SH3RF3: variants seen among roughly 807,000 people sequenced by gnomAD.
SH3RF3 encodes E3 ubiquitin-protein ligase SH3RF3.
In SH3RF3, 29 loss-of-function variants were observed where a neutral mutation model predicts 66.3. That is an observed-to-expected ratio of 0.44 (90% CI 0.33 to 0.60). The LOEUF (loss-of-function observed/expected upper bound fraction) is 0.60. SH3RF3 is among the 20% of genes least tolerant of loss of function. SH3RF3 has a pLI of 0.04. For missense variants in SH3RF3, 1,194 were observed against 1,190.9 expected (o/e 1.00, Z -0.04); for synonymous variants, 583 against 532.0 (o/e 1.10, Z -1.32).
chr2:109,378,764 G>A (rs1683446554), intron 3 of SH3RF3, among the ~76,000 whole-genome samples: 1 of 152,178 alleles, frequency 6.6e-6, no homozygotes, highest in African/African-American at 2.4e-5. Context: ...GACTTATGAG[G>A]CTTCCACTCT....
At chr2:109,300,343 C>A (rs1226507341) in intron 1 of SH3RF3, among the ~76,000 whole-genome samples, 1 of 152,078 alleles carries the variant, frequency 6.6e-6, no homozygotes, top group Non-Finnish European at 1.5e-5. Flanking sequence ...CCATGTCTGG[C>A]TAATTTTTGT....
chr2:109,146,609 C>T (rs761290237), intron 1 of SH3RF3, among the ~76,000 whole-genome samples: 25 of 152,184 alleles, frequency 1.6e-4, no homozygotes, highest in Admixed American at 9.8e-4. Flanking sequence ...AGCCCTTCCT[C>T]CACCATGGGT....
intron 7 of SH3RF3, among the ~76,000 whole-genome samples, chr2:109,444,831 A>G (rs1677663177): frequency 6.6e-6 from 1 of 152,242 alleles, no homozygotes; most frequent in African/African-American, 2.4e-5. Flanking sequence ...GTTAGCCAAT[A>G]AACTCAAGAG....
intron 1 of SH3RF3, among the ~76,000 whole-genome samples, chr2:109,137,249 T>G (rs1025888685): frequency 1.3e-5 from 2 of 152,234 alleles, no homozygotes; most frequent in Non-Finnish European, 2.9e-5. Context: ...TTGTTTATTC[T>G]TCCATAGTCT....
intron 4 of SH3RF3, among the ~76,000 whole-genome samples, chr2:109,408,572 C>T (rs1483070824): frequency 6.6e-6 from 1 of 152,248 alleles, no homozygotes; most frequent in Non-Finnish European, 1.5e-5. Flanking sequence ...CATTCGCTGT[C>T]CCCTCTACCA....
At chr2:109,399,912 ACTC>A (rs1676257196) in intron 4 of SH3RF3, among the ~76,000 whole-genome samples, 1 of 151,998 alleles carries the variant, frequency 6.6e-6, no homozygotes, top group Admixed American at 6.5e-5. Context: ...AATGGTGCCC[ACTC>A]CATTTCTCCC....
Position 109,436,895 on chromosome 2 carries a change from T to A in SH3RF3, c.1577T>A (p.Val526Glu). The part of the protein sequence containing the change: ...PGNYVTPVSR[V>E]PAGGAGPPRN... Reference sequence around the variant, plus strand: ...TTCCTTCTGCTTTCTCTCCACAGGGTGCCTGCAGGAGGGGCAGGGCCGCCC... The same window carrying A: ...TTCCTTCTGCTTTCTCTCCACAGGGAGCCTGCAGGAGGGGCAGGGCCGCCC... Residue 526 changes from valine to glutamate, a missense_variant and splice_region_variant, in exon 7 of 10, where the codon GTG (valine) becomes GAG (glutamate). Physicochemically the swap from Val to Glu is moderately radical, Grantham distance 121. Coordinates refer to ENST00000309415, the MANE Select transcript of SH3RF3 (RefSeq NM_001099289.3). The A allele has an allele frequency of 5.6e-6, 9 of 1,612,974 alleles. No homozygotes were observed. The highest frequency in any genetic ancestry group is 7.6e-6 in the Non-Finnish European group (9 of 1,179,578).
At chr2:109,370,185 G>T (rs1378415537) in intron 2 of SH3RF3, among the ~76,000 whole-genome samples, 2 of 150,774 alleles carry the variant, frequency 1.3e-5, no homozygotes, top group Non-Finnish European at 3.0e-5. Flanking sequence ...GGCCATTGCT[G>T]TGGTGGTCTC....
intron 1 of SH3RF3, among the ~76,000 whole-genome samples, chr2:109,184,082 G>A (rs1350297968): frequency 6.6e-6 from 1 of 152,244 alleles, no homozygotes; most frequent in African/African-American, 2.4e-5. Flanking sequence ...AACGTGGGGT[G>A]TTGAGCCCAT....
chr2:109,466,395 A>G (rs1678347347), intron 8 of SH3RF3, among the ~76,000 whole-genome samples: 1 of 152,096 alleles, frequency 6.6e-6, no homozygotes, highest in African/African-American at 2.4e-5. Flanking sequence ...ATCTTTTTTA[A>G]TGAGATGTCT....
chr2:109,448,841 C>T (rs574481733), intron 7 of SH3RF3, among the ~76,000 whole-genome samples: 125 of 152,248 alleles, frequency 8.2e-4, no homozygotes, highest in African/African-American at 2.9e-3. Flanking sequence ...GGTTGGGGAC[C>T]GCTGAGTTAA....
chr2:109,362,471 T>C (rs1020653947), intron 2 of SH3RF3, among the ~76,000 whole-genome samples: 1 of 152,196 alleles, frequency 6.6e-6, no homozygotes, highest in East Asian at 1.9e-4. Flanking sequence ...AAGGTGTGTT[T>C]TGCAGACCAG....
chr2:109,129,656 C>T lies in SH3RF3; in HGVS notation c.116C>T (p.Ala39Val). ...ERRRRRAAAT[A>V]AGAGEDMDES... ...CGGCGGCGTCGGGCGGCGGCCACCG[C>T]CGCGGGGGCGGGCGAGGACATGGAC... The change falls in exon 1 of 10, where the codon GCC becomes GTC. Residue 39 changes from alanine (A) to valine (V), a missense_variant. Transcript: ENST00000309415. The T allele has an allele frequency of 1.3e-6, 2 of 1,505,968 alleles. No individual in the cohort carries two copies. The highest frequency in any genetic ancestry group is 1.8e-6 in the Non-Finnish European group (2 of 1,134,244). The allele number at this position is 1,505,968 out of a possible 1,614,324, so 93.3% of individuals were successfully genotyped here. A position where few individuals can be genotyped will look rare whatever the true frequency, so the allele number is the denominator to read the frequency against.
At chr2:109,260,249 A>G (rs1558987632) in intron 1 of SH3RF3, among the ~76,000 whole-genome samples, 1 of 152,020 alleles carries the variant, frequency 6.6e-6, no homozygotes, top group Non-Finnish European at 1.5e-5. Context: ...CTAGTGGAAA[A>G]CCATGCAAAC....
At chr2:109,295,816 A>G (rs1197341039) in intron 1 of SH3RF3, among the ~76,000 whole-genome samples, 1 of 152,096 alleles carries the variant, frequency 6.6e-6, no homozygotes, top group Non-Finnish European at 1.5e-5. Flanking sequence ...GATGGCTGCA[A>G]TTGGCACTCC....
At chr2:109,381,027 T>C (rs956028278) in intron 3 of SH3RF3, among the ~76,000 whole-genome samples, 3 of 152,212 alleles carry the variant, frequency 2.0e-5, no homozygotes, top group Non-Finnish European at 4.4e-5. Context: ...CTTTAAGCAG[T>C]AGTTGTGAAA....
intron 2 of SH3RF3, among the ~76,000 whole-genome samples, chr2:109,348,689 GC>G (rs1440163469): frequency 6.6e-6 from 1 of 152,164 alleles, no homozygotes; most frequent in Non-Finnish European, 1.5e-5. Flanking sequence ...GTAAACCAAA[GC>G]TCTGAGAGGC....
intron 1 of SH3RF3, among the ~76,000 whole-genome samples, chr2:109,184,635 G>C (rs1678146867): frequency 6.6e-6 from 1 of 152,170 alleles, no homozygotes; most frequent in Non-Finnish European, 1.5e-5. Context: ...TTCCCAGAGA[G>C]TGAGCTGGTC....
intron 4 of SH3RF3, among the ~76,000 whole-genome samples, chr2:109,403,604 C>G (rs1305798054): frequency 6.6e-6 from 1 of 152,214 alleles, no homozygotes; most frequent in Non-Finnish European, 1.5e-5. Flanking sequence ...GCCAGCAGGT[C>G]CCTGCGGTGC....
Sources: allele counts gnomAD v4.1 joint callset (sites outside exome capture counted in the v4.1 genomes callset), GRCh38; gene constraint gnomAD v4.1.1; transcripts MANE v1.5; gene names NCBI Gene and HGNC (gene_info 2026-07-23, HGNC 2026-07-21).